TBC1D16: variants seen among roughly 807,000 people sequenced by gnomAD.
TBC1D16 encodes TBC1 domain family member 16, also known as CTD-2529O21.1.
Under a neutral mutation model 74.7 loss-of-function variants are expected in TBC1D16, and 58 were observed. That is an observed-to-expected ratio of 0.78 (90% CI 0.63 to 0.97). The LOEUF (loss-of-function observed/expected upper bound fraction) is 0.97. Among genes scored for constraint, TBC1D16 ranks in the 50% least tolerant of loss-of-function variants. The probability of loss-of-function intolerance (pLI) is 0.00; values close to 1 mark genes in which losing one functional copy is unlikely to be tolerated. For missense variants in TBC1D16, 1,014 were observed against 1,079.5 expected (o/e 0.94, Z 0.85); for synonymous variants, 493 against 474.7 (o/e 1.04, Z -0.50).
chr17:79,999,255 C>CAA (rs551959216), intron 3 of TBC1D16, among the ~76,000 whole-genome samples: 3 of 131,152 alleles, frequency 2.3e-5, no homozygotes, highest in Non-Finnish European at 3.3e-5. Flanking sequence ...GACACTGTCT[C>CAA]AAAAAAAAAA....
intron 3 of TBC1D16, among the ~76,000 whole-genome samples, chr17:79,972,328 T>C (rs1211859961): frequency 2.0e-5 from 3 of 152,104 alleles, no homozygotes; most frequent in Admixed American, 6.5e-5. Flanking sequence ...AGGCGTGTAC[T>C]ACCACACCTG....
chr17:80,020,336 CA>C (rs756019663), intron 1 of TBC1D16, among the ~76,000 whole-genome samples: 5 of 150,032 alleles, frequency 3.3e-5, no homozygotes, highest in Middle Eastern at 3.4e-3. Context: ...GTAATCCCAG[CA>C]CTTTGGAAGA....
At position 80,010,590 on chromosome 17, in the gene TBC1D16, G is replaced by A. The variant is rs548841668; in HGVS notation, c.349C>T (p.Arg117Trp). The A allele has an allele frequency of 5.0e-5, 79 of 1,591,272 alleles. No homozygotes were observed. Among genetic ancestry groups the A allele is most frequent in the East Asian group, 1.8e-4 (8 of 44,546 alleles). Reference protein sequence around the residue: ...KAPRPRGRRTRSSGASHQPSP... With the variant: ...KAPRPRGRRTWSSGASHQPSP... ...GGCTGGTGGGAGGCTCCTGAGCTCC[G>A]GGTGCGCCGGCCCCGAGGGCGGGGT... The change falls in exon 3 of 12, where the codon CGG (arginine) becomes TGG (tryptophan). Residue 117 changes from arginine to tryptophan, a missense_variant. Transcript: ENST00000310924. The surrounding 1 kb of genome is among the most constrained non-coding windows in gnomAD (Gnocchi z 8.8).
At position 80,027,547 on chromosome 17, in the gene TBC1D16, G is replaced by A. The variant is rs187843788; in HGVS notation, c.-63+8248C>T. Among the ~76,000 whole-genome samples, 980 of 151,958 alleles carry A rather than the reference G, an allele frequency of 6.4e-3. 9 individuals are homozygous for A. The highest frequency in any genetic ancestry group is 0.022 in the African/African-American group (924 of 41,448). ...CTGGGAGTTGAGGCTGCAATGAGCT[G>A]TACTTGCGCCACTGCACTGCAGCCT... On this transcript the variant is annotated intron_variant, in intron 1 of 11. Transcript: ENST00000310924.
At chr17:79,945,368 T>A (rs1435002157) in intron 9 of TBC1D16, among the ~76,000 whole-genome samples, 1 of 152,178 alleles carries the variant, frequency 6.6e-6, no homozygotes. Flanking sequence ...GGCAGGACGC[T>A]GGCAGCCGCT....
intron 1 of TBC1D16, among the ~76,000 whole-genome samples, chr17:80,032,578 G>A (rs954868108): frequency 3.9e-5 from 6 of 152,138 alleles, no homozygotes; most frequent in Admixed American, 6.5e-5. Flanking sequence ...AGGACAGATA[G>A]GATAAAAACA....
At chr17:79,963,693 G>A (rs181749997) in intron 3 of TBC1D16, among the ~76,000 whole-genome samples, 11 of 152,194 alleles carry the variant, frequency 7.2e-5, no homozygotes, top group Admixed American at 5.9e-4. Flanking sequence ...TTACATTCCC[G>A]CCAGCAATGC....
chr17:80,022,760 C>T (rs1201373962), intron 1 of TBC1D16, among the ~76,000 whole-genome samples: 1 of 149,624 alleles, frequency 6.7e-6, no homozygotes, highest in African/African-American at 2.6e-5. Flanking sequence ...CCTCAGCCTC[C>T]CATGTAGCTA....
At chr17:79,969,336 A>G (rs2033977664) in intron 3 of TBC1D16, among the ~76,000 whole-genome samples, 1 of 152,178 alleles carries the variant, frequency 6.6e-6, no homozygotes, top group South Asian at 2.1e-4. Flanking sequence ...CAGTGAGCCA[A>G]CACTGCACCA....
chr17:80,025,904 C>G (rs527344961), intron 1 of TBC1D16: 1 of 150,084 alleles, frequency 6.7e-6, no homozygotes, highest in Admixed American at 6.6e-5. Flanking sequence ...TGGCCCCCCG[C>G]CCCCTATCTC....
rs1351596360 is a variant in TBC1D16, at chr17:79,953,040, AATTCC to A, written c.780-227_780-223del. The A allele has an allele frequency of 1.8e-5, 8 of 432,598 alleles. No individual in the cohort carries two copies. In the Admixed American group the frequency reaches 3.2e-4, roughly 18 times the overall value. The allele number at this position is 432,598 out of a possible 1,614,324, so 26.8% of individuals were successfully genotyped here. On this transcript the variant is annotated intron_variant, in intron 3 of 11. Coordinates refer to ENST00000310924, the MANE Select transcript of TBC1D16 (RefSeq NM_019020.4). ...GGATGGGAAAGCATTTTCATGATCA[AATTCC>A]ATTCCACTTCAATAGAGGCAGTAAG...
intron 1 of TBC1D16, among the ~76,000 whole-genome samples, chr17:80,030,625 C>A (rs1259830172): frequency 6.6e-6 from 1 of 152,242 alleles, no homozygotes; most frequent in Non-Finnish European, 1.5e-5. Context: ...CTGTGCCGTG[C>A]ACCGGCCTCA....
intron 3 of TBC1D16, among the ~76,000 whole-genome samples, chr17:79,999,021 C>T (rs945819346): frequency 2.0e-5 from 3 of 152,040 alleles, no homozygotes; most frequent in Non-Finnish European, 4.4e-5. Flanking sequence ...TCTGGGAGGC[C>T]GAGGCGGGGG....
intron 10 of TBC1D16, among the ~76,000 whole-genome samples, chr17:79,942,767 G>A (rs1172237608): frequency 1.3e-5 from 2 of 152,186 alleles, no homozygotes; most frequent in Non-Finnish European, 2.9e-5. Flanking sequence ...TAGAAAAGTG[G>A]GAAGATCCTA....
rs1283311683 is a variant in TBC1D16 at position 79,956,241 on chromosome 17, A to G, written c.780-3423T>C. On this transcript the variant is annotated intron_variant, in intron 3 of 11. Coordinates refer to ENST00000310924, the MANE Select transcript of TBC1D16 (RefSeq NM_019020.4). The surrounding 1 kb of genome is among the most constrained non-coding windows in gnomAD (Gnocchi z 4.0). ...CAAACCAAAGGTCTGTGAGCAAAGA[A>G]GCGGTTTTTTGTTTGTTTGTTTGTT... Among the ~76,000 whole-genome samples, 1 of 152,238 alleles carries G rather than the reference A, an allele frequency of 6.6e-6. No homozygotes were observed. The highest frequency in any genetic ancestry group is 2.4e-5 in the African/African-American group (1 of 41,548).
Position 79,975,004 on chromosome 17 carries a change from G to A in TBC1D16, c.780-22186C>T, listed in dbSNP as rs542229287. ...TTGGGGCCACCCCCGCAGCCACTGC[G>A]CCCTCTATAGGTAAGAAGGCCCAAG... On this transcript the variant is annotated intron_variant, in intron 3 of 11. Transcript: ENST00000310924. The surrounding 1 kb of genome is among the most constrained non-coding windows in gnomAD (Gnocchi z 4.5). Among the ~76,000 whole-genome samples the A allele has an allele frequency of 4.6e-5, 7 of 152,224 alleles. No homozygotes were observed. Among genetic ancestry groups the A allele is most frequent in the South Asian group, 2.1e-4 (1 of 4,828 alleles).
At chr17:79,992,405 C>A (rs1403353637) in intron 3 of TBC1D16, 3 of 152,252 alleles carry the variant, frequency 2.0e-5, no homozygotes, top group Non-Finnish European at 4.4e-5. Flanking sequence ...ACACACGGAG[C>A]CTGGGGCCGG....
intron 3 of TBC1D16, among the ~76,000 whole-genome samples, chr17:79,958,307 C>T (rs889803082): frequency 6.6e-6 from 1 of 151,664 alleles, no homozygotes; most frequent in African/African-American, 2.4e-5. Context: ...GCAACCTCCA[C>T]CTCCCGGGTT....
At chr17:80,011,137 G>A (rs2035874180) in intron 2 of TBC1D16, among the ~76,000 whole-genome samples, 1 of 151,794 alleles carries the variant, frequency 6.6e-6, no homozygotes, top group African/African-American at 2.4e-5. Flanking sequence ...CACCTCCTAG[G>A]CTCAAGCAAT....
Sources: allele counts gnomAD v4.1 joint callset (sites outside exome capture counted in the v4.1 genomes callset), GRCh38; gene constraint gnomAD v4.1.1; non-coding constraint Gnocchi (gnomAD v3.1); transcripts MANE v1.5; gene names NCBI Gene and HGNC (gene_info 2026-07-23, HGNC 2026-07-21).